CTNNA2: variants seen among roughly 807,000 people sequenced by gnomAD.
CTNNA2 encodes catenin alpha 2.
Under a neutral mutation model 101.0 loss-of-function variants are expected in CTNNA2, and 42 were observed. The observed-to-expected ratio is 0.42, with a 90% confidence interval of 0.32 to 0.54. The LOEUF (loss-of-function observed/expected upper bound fraction) is 0.54. CTNNA2 is among the 20% of genes least tolerant of loss of function. The probability of loss-of-function intolerance (pLI) is 0.14; values close to 1 mark genes in which losing one functional copy is unlikely to be tolerated. For synonymous variants in CTNNA2, 450 were observed against 456.4 expected (o/e 0.99, Z 0.18); for missense variants, 871 against 1,223.1 (o/e 0.71, Z 4.29).
chr2:79,272,416 T>C (rs577791927), intron 2 of CTNNA2, among the ~76,000 whole-genome samples: 2 of 152,198 alleles, frequency 1.3e-5, no homozygotes, highest in South Asian at 4.1e-4. Flanking sequence ...AAATGGTGTA[T>C]AATTTATAAT....
intron 4 of CTNNA2, among the ~76,000 whole-genome samples, chr2:79,393,699 AG>A (rs1678199280): frequency 6.6e-6 from 1 of 151,330 alleles, no homozygotes; most frequent in South Asian, 2.1e-4. Flanking sequence ...GGTCACAAGC[AG>A]GAATGTGGAC....
chr2:79,605,421 T>G (rs897555517), intron 1 of CTNNA2, among the ~76,000 whole-genome samples: 1 of 152,096 alleles, frequency 6.6e-6, no homozygotes, highest in African/African-American at 2.4e-5. Flanking sequence ...TGATGAAGAC[T>G]ATAAAACCGG....
At chr2:79,809,402 A>G (rs1448625965) in intron 3 of CTNNA2, among the ~76,000 whole-genome samples, 1 of 152,180 alleles carries the variant, frequency 6.6e-6, no homozygotes, top group East Asian at 1.9e-4. Context: ...TTATACTTCC[A>G]CTAACAGTGT....
At chr2:79,416,130 T>G (rs1678476806) in intron 4 of CTNNA2, among the ~76,000 whole-genome samples, 1 of 152,048 alleles carries the variant, frequency 6.6e-6, no homozygotes, top group Non-Finnish European at 1.5e-5. Flanking sequence ...ACTTCATATT[T>G]AATAAGACAC....
At chr2:79,540,542 T>G (rs1673343835) in intron 1 of CTNNA2, among the ~76,000 whole-genome samples, 1 of 152,218 alleles carries the variant, frequency 6.6e-6, no homozygotes, top group African/African-American at 2.4e-5. Context: ...CCCCATTGTA[T>G]TCCTGTAATC....
intron 2 of CTNNA2, among the ~76,000 whole-genome samples, chr2:79,207,925 A>T (rs532475674): frequency 3.9e-5 from 6 of 152,262 alleles, no homozygotes; most frequent in Non-Finnish European, 8.8e-5. Context: ...AGTGGCAATG[A>T]GGTGAAACTT....
At chr2:79,769,478 G>A (rs780075916) in intron 3 of CTNNA2, among the ~76,000 whole-genome samples, 79 of 152,240 alleles carry the variant, frequency 5.2e-4, no homozygotes, top group Non-Finnish European at 6.8e-4. Flanking sequence ...GGTTCTTCAC[G>A]TAGATTACAT....
chr2:79,612,185 T>C (rs759493274), intron 1 of CTNNA2, among the ~76,000 whole-genome samples: 8 of 152,306 alleles, frequency 5.3e-5, no homozygotes, highest in Non-Finnish European at 1.0e-4. Context: ...GAGTGCAATA[T>C]TCTGTATGTC....
intron 7 of CTNNA2, among the ~76,000 whole-genome samples, chr2:80,374,339 G>T (rs931432906): frequency 6.6e-5 from 10 of 152,036 alleles, no homozygotes; most frequent in African/African-American, 2.4e-4. Flanking sequence ...GTGTTAATTT[G>T]CTTACGATAA....
chr2:79,297,351 C>T (rs1404348728), intron 2 of CTNNA2, among the ~76,000 whole-genome samples: 1 of 152,190 alleles, frequency 6.6e-6, no homozygotes, highest in Non-Finnish European at 1.5e-5. Flanking sequence ...ATCTTAACTT[C>T]AGTGTCTGAC....
At chr2:80,020,273 A>G (rs542091507) in intron 7 of CTNNA2, among the ~76,000 whole-genome samples, 2 of 152,350 alleles carry the variant, frequency 1.3e-5, no homozygotes, top group East Asian at 3.9e-4. Flanking sequence ...GTTTCATGCT[A>G]TGCCAATCAA....
chr2:79,795,516 T>G (rs2105272463), intron 3 of CTNNA2, among the ~76,000 whole-genome samples: 1 of 152,186 alleles, frequency 6.6e-6, no homozygotes, highest in African/African-American at 2.4e-5. Flanking sequence ...ATTACATTTT[T>G]AAATCAATTG....
At chr2:80,230,705 G>T (rs527738374) in intron 7 of CTNNA2, among the ~76,000 whole-genome samples, 1 of 152,156 alleles carries the variant, frequency 6.6e-6, no homozygotes, top group South Asian at 2.1e-4. Flanking sequence ...AACCACTGCA[G>T]CTATTTTGTT....
At chr2:80,622,709 A>AC (rs1329757574) in intron 18 of CTNNA2, among the ~76,000 whole-genome samples, 1 of 151,774 alleles carries the variant, frequency 6.6e-6, no homozygotes, top group East Asian at 2.0e-4. Flanking sequence ...TGCGGTGGAT[A>AC]TTTTGCCTCA....
intron 4 of CTNNA2, among the ~76,000 whole-genome samples, chr2:79,389,366 A>T (rs1678141226): frequency 6.6e-6 from 1 of 152,290 alleles, no homozygotes; most frequent in Admixed American, 6.5e-5. Flanking sequence ...ACACCCTTAA[A>T]TTTTCATGAG....
At chr2:80,574,421 G>T in intron 13 of CTNNA2, 107 bp downstream of exon 13, 2 of 1,347,070 alleles carry the variant, frequency 1.5e-6, no homozygotes, top group South Asian at 2.0e-5. Context: ...GTTTAACTTG[G>T]TAAGCTGTTT....
chr2:79,603,593 C>T (rs939455467), intron 1 of CTNNA2, among the ~76,000 whole-genome samples: 6 of 152,058 alleles, frequency 3.9e-5, no homozygotes, highest in African/African-American at 7.2e-5. Context: ...CTGAATACCC[C>T]GTCAGAACAG....
intron 3 of CTNNA2, among the ~76,000 whole-genome samples, chr2:79,359,119 A>C (rs1677570949): frequency 6.6e-6 from 1 of 152,328 alleles, no homozygotes; most frequent in East Asian, 1.9e-4. Flanking sequence ...AAGATGGGAC[A>C]TGAAACAGAC....
At position 79,625,072 on chromosome 2, in the gene CTNNA2, T is replaced by A. The variant is rs553991636; in HGVS notation, c.-5-26480T>A. On this transcript the variant is annotated intron_variant, in intron 1 of 18. Transcript: ENST00000402739. ...GAAACCAAGTCCAGAAGGATTGGCATGAGTGTGCAAATTGATGTATTTGGG... is the reference window on the plus strand; with the variant it reads ...GAAACCAAGTCCAGAAGGATTGGCAAGAGTGTGCAAATTGATGTATTTGGG... Among the ~76,000 whole-genome samples, 3 of 152,278 alleles carry A rather than the reference T, an allele frequency of 2.0e-5. No homozygotes were observed. In the South Asian group the frequency reaches 6.2e-4, roughly 32 times the overall value.
Sources: allele counts gnomAD v4.1 joint callset (sites outside exome capture counted in the v4.1 genomes callset), GRCh38; gene constraint gnomAD v4.1.1; transcripts MANE v1.5; gene names NCBI Gene and HGNC (gene_info 2026-07-23, HGNC 2026-07-21).